The following CAMTA1 variants were observed in gnomAD, a reference collection of about 807,000 sequenced individuals.
CAMTA1 encodes calmodulin-binding transcription activator 1.
CAMTA1 carries 27 observed loss-of-function variants against 170.9 expected under a neutral mutation model. The ratio of observed to expected loss-of-function variants is 0.16; its 90% CI spans 0.12 to 0.22. CAMTA1 has a LOEUF of 0.22. CAMTA1 is among the 10% of genes least tolerant of loss of function. The pLI, the probability that CAMTA1 is intolerant of heterozygous loss-of-function variation, is 1.00. For missense variants in CAMTA1, 1,619 were observed against 2,217.2 expected (o/e 0.73, Z 5.42); for synonymous variants, 833 against 891.5 (o/e 0.93, Z 1.17).
chr1:7,575,218 A>T (rs1324336069), intron 6 of CAMTA1, among the ~76,000 whole-genome samples: 1 of 152,152 alleles, frequency 6.6e-6, no homozygotes, highest in African/African-American at 2.4e-5. Context: ...ATGCCACAAC[A>T]CCTCAAGCTG....
At chr1:7,148,197 AC>A (rs888873559) in intron 4 of CAMTA1, among the ~76,000 whole-genome samples, 30 of 150,228 alleles carry the variant, frequency 2.0e-4, no homozygotes, top group South Asian at 6.4e-4. Flanking sequence ...TCACATATGC[AC>A]CATGTAGACA....
intron 6 of CAMTA1, among the ~76,000 whole-genome samples, chr1:7,591,501 G>A (rs1164160553): frequency 6.6e-6 from 1 of 152,182 alleles, no homozygotes; most frequent in Non-Finnish European, 1.5e-5. Flanking sequence ...ACTGCTCCAA[G>A]GCCTCAAAGT....
At chr1:7,117,454 T>A (rs1314956739) in intron 4 of CAMTA1, among the ~76,000 whole-genome samples, 8 of 152,164 alleles carry the variant, frequency 5.3e-5, no homozygotes, top group Non-Finnish European at 1.2e-4. Flanking sequence ...GTGGCCCGTG[T>A]GCTGGTGAAT....
chr1:7,470,639 G>T (rs941476331), intron 6 of CAMTA1, among the ~76,000 whole-genome samples: 1 of 152,174 alleles, frequency 6.6e-6, no homozygotes, highest in Non-Finnish European at 1.5e-5. Flanking sequence ...CCTGCAGGGG[G>T]TGAGCCTTCT....
intron 6 of CAMTA1, among the ~76,000 whole-genome samples, chr1:7,518,259 T>C (rs533333852): frequency 6.6e-6 from 1 of 152,118 alleles, no homozygotes; most frequent in Admixed American, 6.5e-5. Context: ...CCCAGACTTC[T>C]AGAAGCCCCT....
At chr1:6,961,461 G>A (rs561776328) in intron 3 of CAMTA1, among the ~76,000 whole-genome samples, 1 of 152,088 alleles carries the variant, frequency 6.6e-6, no homozygotes, top group South Asian at 2.1e-4. Context: ...CCGGCAAGAA[G>A]GTGCGCTGCC....
At chr1:7,596,804 G>A (rs115449087) in intron 6 of CAMTA1, among the ~76,000 whole-genome samples, 1,706 of 152,264 alleles carry the variant, frequency 0.011, 23 homozygotes, top group African/African-American at 0.038. Context: ...GTGAGCCACT[G>A]CACAATCACT....
chr1:7,035,090 C>A (rs981451925), intron 3 of CAMTA1, among the ~76,000 whole-genome samples: 3 of 152,102 alleles, frequency 2.0e-5, no homozygotes, highest in Non-Finnish European at 4.4e-5. Context: ...TACTTTTGCA[C>A]CAACCTAAAG....
chr1:7,596,166 G>A (rs560200591), intron 6 of CAMTA1, among the ~76,000 whole-genome samples: 7 of 152,326 alleles, frequency 4.6e-5, no homozygotes, highest in African/African-American at 1.2e-4. Flanking sequence ...AAGCAGAGCC[G>A]AGTGGCTGGT....
At chr1:7,276,290 T>TAG (rs1670596788) in intron 5 of CAMTA1, among the ~76,000 whole-genome samples, 1 of 60,232 alleles carries the variant, frequency 1.7e-5, no homozygotes, top group African/African-American at 1.3e-4. Context: ...TATATATATA[T>TAG]ATATATATAT....
chr1:6,898,361 G>A (rs113563686), intron 3 of CAMTA1, among the ~76,000 whole-genome samples: 30,252 of 151,988 alleles, frequency 0.2, 3,577 homozygotes, highest in Non-Finnish European at 0.26. Flanking sequence ...AGACCATCCT[G>A]GCTAACACGG....
chr1:6,949,707 C>T (rs1054350097), intron 3 of CAMTA1, among the ~76,000 whole-genome samples: 1 of 152,188 alleles, frequency 6.6e-6, no homozygotes, highest in African/African-American at 2.4e-5. Context: ...ACTTCTGAGC[C>T]CCAATCTTCT....
Position 7,057,940 on chromosome 1 carries a change from G to C in CAMTA1, c.235-33364G>C, listed in dbSNP as rs74765008. Among the ~76,000 whole-genome samples the C allele has an allele frequency of 6.4e-4, 97 of 152,210 alleles. 2 individuals are homozygous for C. The East Asian group carries it at 0.014, about 21-fold the overall frequency. On this transcript the variant is annotated intron_variant, in intron 3 of 22. Transcript: ENST00000303635. ...CCCCCAGATCCTGACACCAAGCCAGGCCAGGCCAGGCCATTTTGGTGTTGC... is the reference window on the plus strand; with the variant it reads ...CCCCCAGATCCTGACACCAAGCCAGCCCAGGCCAGGCCATTTTGGTGTTGC...
chr1:6,883,942 C>T (rs1358213822), intron 3 of CAMTA1, among the ~76,000 whole-genome samples: 3 of 152,040 alleles, frequency 2.0e-5, no homozygotes, highest in Non-Finnish European at 4.4e-5. Flanking sequence ...TGAGAAGTTA[C>T]TTATTTTGGT....
At chr1:7,077,875 A>C (rs1639508677) in intron 3 of CAMTA1, among the ~76,000 whole-genome samples, 1 of 152,028 alleles carries the variant, frequency 6.6e-6, no homozygotes, top group Non-Finnish European at 1.5e-5. Flanking sequence ...ACTTCTTTGA[A>C]TGACTTACGA....
intron 3 of CAMTA1, among the ~76,000 whole-genome samples, chr1:7,085,900 C>T (rs1445579406): frequency 6.6e-6 from 1 of 152,186 alleles, no homozygotes; most frequent in African/African-American, 2.4e-5. Flanking sequence ...GGTGTGTGAC[C>T]AGGCAGTGAC....
At chr1:6,858,523 A>G (rs1303584513) in intron 3 of CAMTA1, among the ~76,000 whole-genome samples, 1 of 149,500 alleles carries the variant, frequency 6.7e-6, no homozygotes, top group Non-Finnish European at 1.5e-5. Flanking sequence ...TGCCCATTAC[A>G]GAAACCAGTT....
At chr1:7,115,989 A>G (rs1228413929) in intron 4 of CAMTA1, among the ~76,000 whole-genome samples, 3 of 152,240 alleles carry the variant, frequency 2.0e-5, no homozygotes, top group African/African-American at 4.8e-5. Flanking sequence ...ATCCAGAATC[A>G]TGTTTGGCCA....
At chr1:6,801,593 G>T (rs1338465551) in intron 1 of CAMTA1, among the ~76,000 whole-genome samples, 1 of 152,096 alleles carries the variant, frequency 6.6e-6, no homozygotes, top group Non-Finnish European at 1.5e-5. Context: ...TACACAATAG[G>T]AATGTCCCTA....
Sources: allele counts gnomAD v4.1 joint callset (sites outside exome capture counted in the v4.1 genomes callset), GRCh38; gene constraint gnomAD v4.1.1; transcripts MANE v1.5; gene names NCBI Gene and HGNC (gene_info 2026-07-23, HGNC 2026-07-21).